Variants in ADCY8 observed in about 807,000 individuals in gnomAD.
ADCY8 encodes the protein adenylate cyclase type 8.
In ADCY8, 51 loss-of-function variants were observed where a neutral mutation model predicts 119.7. The ratio of observed to expected loss-of-function variants is 0.43; its 90% CI spans 0.34 to 0.54. The LOEUF (loss-of-function observed/expected upper bound fraction) is 0.54, where lower values mean the gene tolerates loss of function less well. ADCY8 is among the 20% of genes least tolerant of loss of function. The pLI is 0.03. For missense variants in ADCY8, 1,383 were observed against 1,598.8 expected (o/e 0.87, Z 2.30); for synonymous variants, 665 against 651.0 (o/e 1.02, Z -0.33).
At position 130,819,319 on chromosome 8, in the gene ADCY8, A is replaced by G. The variant is rs184047256; in HGVS notation, c.2754+2023T>C. Among the ~76,000 whole-genome samples the G allele has an allele frequency of 1.3e-3, 205 of 152,316 alleles. 2 individuals are homozygous for G. Among genetic ancestry groups the G allele is most frequent in the African/African-American group, 4.6e-3 (192 of 41,578 alleles). ...GGGAAAAATATCAGATGTCACTTAA[A>G]CCCAGTCACTCAGACCCTCACTGAA... On this transcript the variant is annotated intron_variant, in intron 13 of 17. Transcript: ENST00000286355.
At chr8:130,956,884 T>A (rs1821444606) in intron 2 of ADCY8, among the ~76,000 whole-genome samples, 1 of 152,228 alleles carries the variant, frequency 6.6e-6, no homozygotes, top group African/African-American at 2.4e-5. Context: ...CTTTCTGCCA[T>A]GATTGTGAGG....
chr8:131,038,303 C>A (rs749429547), intron 1 of ADCY8, among the ~76,000 whole-genome samples: 3 of 152,150 alleles, frequency 2.0e-5, no homozygotes, highest in African/African-American at 7.2e-5. Flanking sequence ...CAGAGGCTAA[C>A]GACAGAGCAG....
At chr8:130,796,971 A>C (rs1216112470) in intron 15 of ADCY8, among the ~76,000 whole-genome samples, 2 of 152,072 alleles carry the variant, frequency 1.3e-5, no homozygotes. Flanking sequence ...CATTTCAATC[A>C]CTAGGGGCAC....
At chr8:130,834,090 T>C (rs1004128180) in intron 12 of ADCY8, among the ~76,000 whole-genome samples, 4 of 152,212 alleles carry the variant, frequency 2.6e-5, no homozygotes, top group Non-Finnish European at 5.9e-5. Flanking sequence ...GTAATGCATA[T>C]GTTAATTAGC....
chr8:130,827,430 C>A (rs1816700834), intron 12 of ADCY8, among the ~76,000 whole-genome samples: 1 of 152,180 alleles, frequency 6.6e-6, no homozygotes, highest in African/African-American at 2.4e-5. Flanking sequence ...GGGCAGCCAG[C>A]TTTCCCCATG....
chr8:130,784,715 T>A (rs1259589864), intron 16 of ADCY8, among the ~76,000 whole-genome samples: 2 of 152,224 alleles, frequency 1.3e-5, no homozygotes, highest in Non-Finnish European at 2.9e-5. Flanking sequence ...GCTGCACACG[T>A]ACCAAATAAT....
chr8:131,016,848 A>G (rs6983987), intron 1 of ADCY8, among the ~76,000 whole-genome samples: 63,380 of 151,846 alleles, frequency 0.42, 13,759 homozygotes, highest in East Asian at 0.63. Context: ...ACTTCTGTTC[A>G]AGAGTTATCC....
At chr8:130,840,625 C>T (rs1404209147) in intron 11 of ADCY8, among the ~76,000 whole-genome samples, 3 of 152,098 alleles carry the variant, frequency 2.0e-5, no homozygotes, top group African/African-American at 7.2e-5. Flanking sequence ...ACAGACATGA[C>T]ATGGCTTTTG....
chr8:131,028,437 C>A lies in ADCY8; in HGVS notation c.960+10937G>T, dbSNP rs376155252. 7.9e-5 allele frequency among the ~76,000 whole-genome samples: 12 copies of A among 152,238 alleles called. No homozygotes were observed. In the South Asian group the frequency reaches 2.5e-3, roughly 32 times the overall value. Reference sequence around the variant, plus strand: ...ATGAACTCATTCTCAAATGAACTACCCGCCTCCAATAGGCTGGGAAGGCTC... The same window carrying A: ...ATGAACTCATTCTCAAATGAACTACACGCCTCCAATAGGCTGGGAAGGCTC... On this transcript the variant is annotated intron_variant, in intron 1 of 17. Transcript: ENST00000286355.
intron 15 of ADCY8, among the ~76,000 whole-genome samples, chr8:130,799,941 A>G (rs1263251686): frequency 6.6e-6 from 1 of 151,052 alleles, no homozygotes; most frequent in African/African-American, 2.4e-5. Context: ...ATTTCCCCCC[A>G]CAGAATGTGT....
intron 5 of ADCY8, among the ~76,000 whole-genome samples, chr8:130,922,697 A>C (rs1820351502): frequency 6.6e-6 from 1 of 152,260 alleles, no homozygotes; most frequent in Admixed American, 6.5e-5. Context: ...CATTGTCATC[A>C]TGGCCCGTTC....
At position 130,948,395 on chromosome 8, in the gene ADCY8, G is replaced by A. The variant is rs1821168772; in HGVS notation, c.1241+3473C>T. On this transcript the variant is annotated intron_variant, in intron 3 of 17. Transcript: ENST00000286355. ...TGAACCTGGAGAAGTCTCAGAGGTT[G>A]ATAGCTGAAGTCAATTTGAGCGTTC... Among the ~76,000 whole-genome samples, 5 of 152,166 alleles carry A rather than the reference G, an allele frequency of 3.3e-5. No individual in the cohort carries two copies. In the South Asian group the frequency reaches 1.0e-3, roughly 31 times the overall value.
At chr8:130,822,382 A>G (rs1237852640) in intron 12 of ADCY8, among the ~76,000 whole-genome samples, 2 of 152,206 alleles carry the variant, frequency 1.3e-5, no homozygotes, top group African/African-American at 2.4e-5. Flanking sequence ...TTGAAGCCAT[A>G]TGTAGACTCA....
At chr8:130,866,443 TCTG>T (rs1355797547) in intron 9 of ADCY8, among the ~76,000 whole-genome samples, 1 of 152,128 alleles carries the variant, frequency 6.6e-6, no homozygotes, top group Non-Finnish European at 1.5e-5. Context: ...ACATTGAACT[TCTG>T]CTGGTTCTCT....
intron 2 of ADCY8, among the ~76,000 whole-genome samples, chr8:130,979,411 C>T (rs187148595): frequency 3.3e-4 from 50 of 152,298 alleles, no homozygotes; most frequent in African/African-American, 1.2e-3. Flanking sequence ...AATTGTACAC[C>T]TGCCCCTGGA....
intron 2 of ADCY8, among the ~76,000 whole-genome samples, chr8:130,973,443 C>T (rs974771507): frequency 3.9e-5 from 6 of 152,302 alleles, no homozygotes; most frequent in Non-Finnish European, 7.3e-5. Context: ...CACTAGCTTG[C>T]TGGAGGATGA....
chr8:130,935,208 G>A (rs956940833), intron 5 of ADCY8, among the ~76,000 whole-genome samples: 11 of 152,110 alleles, frequency 7.2e-5, no homozygotes, highest in Admixed American at 1.3e-4. Context: ...AGCTGTCTTC[G>A]AAGAGGCTTG....
chr8:131,033,886 C>T (rs1824069437), intron 1 of ADCY8, among the ~76,000 whole-genome samples: 1 of 151,858 alleles, frequency 6.6e-6, no homozygotes, highest in Admixed American at 6.6e-5. Flanking sequence ...TTCCATTTCT[C>T]GGTGTTCAGA....
intron 8 of ADCY8, among the ~76,000 whole-genome samples, chr8:130,883,840 T>A (rs1246997839): frequency 1.3e-5 from 2 of 152,116 alleles, no homozygotes; most frequent in Non-Finnish European, 2.9e-5. Context: ...GAAAAAGTCA[T>A]CATTAATGTG....
Sources: allele counts gnomAD v4.1 joint callset (sites outside exome capture counted in the v4.1 genomes callset), GRCh38; gene constraint gnomAD v4.1.1; transcripts MANE v1.5; gene names NCBI Gene and HGNC (gene_info 2026-07-23, HGNC 2026-07-21).